Variants in LIN9 observed in about 807,000 individuals in gnomAD.
LIN9 encodes protein lin-9 homolog.
Under a neutral mutation model 78.0 loss-of-function variants are expected in LIN9, and 18 were observed. That is an observed-to-expected ratio of 0.23 (90% CI 0.16 to 0.34). LIN9 has a LOEUF of 0.34. Ranked by LOEUF, LIN9 falls within the 10% of genes least tolerant of loss-of-function variation. LIN9 has a pLI of 1.00. For synonymous variants in LIN9, 192 were observed against 215.2 expected, an observed-to-expected ratio of 0.89 and a Z score of 0.94; for missense variants, 451 against 644.1, an observed-to-expected ratio of 0.70 and a Z score of 3.25.
intron 1 of LIN9, among the ~76,000 whole-genome samples, chr1:226,303,505 T>C (rs991173334): frequency 3.3e-5 from 5 of 152,244 alleles, no homozygotes; most frequent in African/African-American, 1.2e-4. Context: ...AAGAGGTATA[T>C]AGGCCATAAG....
intron 6 of LIN9, among the ~76,000 whole-genome samples, chr1:226,282,253 C>G (rs1322945010): frequency 6.6e-6 from 1 of 152,110 alleles, no homozygotes. Flanking sequence ...GACTTTTAGG[C>G]TGTTGCCAAT....
In LIN9 at chr1:226,286,403, T is replaced by G. The variant is rs368862788; in HGVS notation, c.454A>C (p.Asn152His). ...FCVCLKESFP[N>H]LKTRKLTRVE... ...CTTGTTAACTTTCTTGTTTTCAAAT[T>G]AGGAAAAGATTCCTTTAGACATACA... is the stretch of plus-strand genomic sequence containing the variant. The change falls in exon 6 of 15, where the codon AAT becomes CAT. Residue 152 changes from asparagine to histidine, a missense_variant. Physicochemically the swap from Asn to His is moderately conservative, Grantham distance 68 (BLOSUM62 1). Transcript: ENST00000681046. The G allele has an allele frequency of 1.2e-6, 2 of 1,611,714 alleles. No individual in the cohort carries two copies. The highest frequency in any genetic ancestry group is 2.7e-5 in the African/African-American group (2 of 74,884).
rs938509442 is a variant in LIN9, at chr1:226,260,652, T to G, written c.1038+4881A>C. ...AGTTTTTTTTTTTTTTTTTTTTTTTTTTTTTTTTTTGAGACAGTGTCTTGC... is the reference window on the plus strand; with the variant it reads ...AGTTTTTTTTTTTTTTTTTTTTTTTGTTTTTTTTTTGAGACAGTGTCTTGC... On this transcript the variant is annotated intron_variant, in intron 10 of 14. Coordinates refer to ENST00000681046, the MANE Select transcript of LIN9 (RefSeq NM_001366245.2). 8.2e-4 allele frequency among the ~76,000 whole-genome samples: 109 copies of G among 132,892 alleles called. 3 individuals are homozygous for G. Among genetic ancestry groups the G allele is most frequent in the African/African-American group, 2.8e-3 (97 of 34,590 alleles). The allele number at this position is 132,892 out of a possible 152,430, so 87.2% of individuals were successfully genotyped here.
intron 4 of LIN9, among the ~76,000 whole-genome samples, chr1:226,294,522 A>G (rs1282164422): frequency 6.6e-6 from 1 of 151,746 alleles, no homozygotes; most frequent in Non-Finnish European, 1.5e-5. Context: ...CAGTGAGCTG[A>G]GATCACACCA....
intron 4 of LIN9, among the ~76,000 whole-genome samples, chr1:226,292,508 C>T (rs1661856558): frequency 6.6e-6 from 1 of 152,102 alleles, no homozygotes. Flanking sequence ...CCAGGCTGGA[C>T]TGTAGTGGTC....
At chr1:226,295,310 G>A (rs1299123459) in intron 4 of LIN9, among the ~76,000 whole-genome samples, 8 of 151,888 alleles carry the variant, frequency 5.3e-5, no homozygotes, top group Admixed American at 2.0e-4. Flanking sequence ...TCAGCTGGGC[G>A]TGGTGGTGTG....
chr1:226,232,401 G>T lies in LIN9; in HGVS notation c.*100C>A, dbSNP rs1657394146. 1 of 696,564 alleles carries T rather than the reference G, an allele frequency of 1.4e-6. No individual in the cohort carries two copies. Among genetic ancestry groups the T allele is most frequent in the Admixed American group, 2.8e-5 (1 of 35,122 alleles). The allele number at this position is 696,564 out of a possible 1,614,324, so 43.1% of individuals were successfully genotyped here. A position where few individuals can be genotyped will look rare whatever the true frequency, so the allele number is the denominator to read the frequency against. ...TTATTTGGAGATTTAAATTTCCCTT[G>T]TTTTCCAGCAGTTAGGTTATTTGGT... On this transcript the variant is annotated 3_prime_UTR_variant, in exon 15 of 15. Transcript: ENST00000681046.
chr1:226,253,408 C>T (rs1038404321), intron 10 of LIN9, among the ~76,000 whole-genome samples: 2 of 151,726 alleles, frequency 1.3e-5, no homozygotes, highest in Non-Finnish European at 2.9e-5. Context: ...ATCCTCATGC[C>T]TCAGGCTCCC....
chr1:226,256,463 G>C (rs1033645670), intron 10 of LIN9, among the ~76,000 whole-genome samples: 1 of 151,882 alleles, frequency 6.6e-6, no homozygotes. Context: ...ACTTTGGAAG[G>C]CCAAGAGGGA....
At chr1:226,277,060 T>C (rs745380144) in intron 7 of LIN9, among the ~76,000 whole-genome samples, 19 of 151,734 alleles carry the variant, frequency 1.3e-4, no homozygotes, top group Non-Finnish European at 2.4e-4. Context: ...AAAAAAAATT[T>C]ACGGCCAGGT....
intron 10 of LIN9, among the ~76,000 whole-genome samples, chr1:226,253,280 A>AG (rs1196166322): frequency 5.3e-5 from 8 of 150,656 alleles, no homozygotes; most frequent in East Asian, 2.0e-4. Flanking sequence ...AAAAAAAAAA[A>AG]AGAGAAAGAA....
chr1:226,232,717 A>G, intron 14 of LIN9, 111 bp from the exon 15 acceptor site: 1 of 607,460 alleles, frequency 1.6e-6, no homozygotes, highest in South Asian at 2.3e-5. Context: ...AATCTTAGGG[A>G]AGGAATAAAT....
At chr1:226,239,199 G>A in intron 11 of LIN9, 103 bp from the exon 12 acceptor site, 1 of 1,174,408 alleles carries the variant, frequency 8.5e-7, no homozygotes, top group Non-Finnish European at 1.2e-6. Context: ...GCAAACTAAA[G>A]GTTATTAAAT....
rs906533054 is a variant in LIN9, at chr1:226,265,724, C to T, written c.937-90G>A. On this transcript the variant is annotated intron_variant, in intron 9 of 14. Transcript: ENST00000681046. The surrounding 1 kb of genome is among the most constrained non-coding windows in gnomAD (Gnocchi z 4.1). Reference sequence around the variant, plus strand: ...TTTTATTTTTTTTTAGACGGAGTCTCGCTCTGTTGCCACTTGTGATCTCGG... The same window carrying T: ...TTTTATTTTTTTTTAGACGGAGTCTTGCTCTGTTGCCACTTGTGATCTCGG... 220 of 659,930 alleles carry T rather than the reference C, an allele frequency of 3.3e-4. No individual in the cohort carries two copies. Among genetic ancestry groups the T allele is most frequent in the Middle Eastern group, 4.4e-4 (1 of 2,278 alleles). The allele number at this position is 659,930 out of a possible 1,614,324, so 40.9% of individuals were successfully genotyped here.
At chr1:226,298,454 C>T (rs373480941) in intron 2 of LIN9, among the ~76,000 whole-genome samples, 42 of 152,300 alleles carry the variant, frequency 2.8e-4, no homozygotes, top group African/African-American at 9.9e-4. Flanking sequence ...GTGATCTACC[C>T]GCCTCAGTGT....
chr1:226,279,030 G>A (rs543357209), intron 6 of LIN9, among the ~76,000 whole-genome samples: 58 of 151,862 alleles, frequency 3.8e-4, no homozygotes, highest in African/African-American at 1.2e-3. Flanking sequence ...GCATGGCGGC[G>A]GGTGCCTGTA....
chr1:226,287,224 T>C (rs1282955016), intron 5 of LIN9, among the ~76,000 whole-genome samples: 5 of 152,226 alleles, frequency 3.3e-5, no homozygotes, highest in African/African-American at 1.2e-4. Flanking sequence ...CTTAAGCATA[T>C]GTGTATACCT....
At chr1:226,305,431 T>C (rs1362766642) in intron 1 of LIN9, among the ~76,000 whole-genome samples, 1 of 149,328 alleles carries the variant, frequency 6.7e-6, no homozygotes, top group Non-Finnish European at 1.5e-5. Flanking sequence ...AGATCAAGGC[T>C]GCAGTGAGCC....
At chr1:226,305,676 G>C (rs540358752) in intron 1 of LIN9, among the ~76,000 whole-genome samples, 5 of 152,224 alleles carry the variant, frequency 3.3e-5, no homozygotes, top group Admixed American at 1.3e-4. Context: ...CTGGAGAAAA[G>C]GGGAGACTGG....
Sources: allele counts gnomAD v4.1 joint callset (sites outside exome capture counted in the v4.1 genomes callset), GRCh38; gene constraint gnomAD v4.1.1; non-coding constraint Gnocchi (gnomAD v3.1); transcripts MANE v1.5; gene names NCBI Gene and HGNC (gene_info 2026-07-23, HGNC 2026-07-21).